Variants in KHDRBS2 observed in about 807,000 individuals in gnomAD.
KHDRBS2 encodes KH RNA binding domain containing, signal transduction associated 2.
KHDRBS2 carries 26 observed loss-of-function variants against 44.3 expected under a neutral mutation model. The observed-to-expected ratio is 0.59, with a 90% confidence interval of 0.43 to 0.81. The LOEUF (loss-of-function observed/expected upper bound fraction) is 0.81, where lower values mean the gene tolerates loss of function less well. KHDRBS2 is among the 40% of genes least tolerant of loss of function. The probability of loss-of-function intolerance (pLI) is 0.00; values close to 1 mark genes in which losing one functional copy is unlikely to be tolerated. For missense variants in KHDRBS2, 476 were observed against 433.1 expected, an observed-to-expected ratio of 1.10 and a Z score of -0.88; for synonymous variants, 194 against 151.1, an observed-to-expected ratio of 1.28 and a Z score of -2.08.
chr6:61,582,276 T>C, the KHDRBS2 span, among the ~76,000 whole-genome samples: 1 of 151,626 alleles, frequency 6.6e-6, no homozygotes, highest in East Asian at 1.9e-4. Flanking sequence ...CAATGAAAAA[T>C]AATTTTGCTT....
intron 1 of KHDRBS2, among the ~76,000 whole-genome samples, chr6:62,200,714 A>T (rs1245868003): frequency 2.0e-5 from 3 of 152,200 alleles, no homozygotes; most frequent in African/African-American, 7.2e-5. Flanking sequence ...ATACCATTTG[A>T]CGCAGCCATC....
At chr6:61,724,451 T>G (rs1773219511) in intron 7 of KHDRBS2, among the ~76,000 whole-genome samples, 1 of 151,998 alleles carries the variant, frequency 6.6e-6, no homozygotes, top group African/African-American at 2.4e-5. Context: ...AGGATCAAAT[T>G]TACATATAAC....
intron 4 of KHDRBS2, among the ~76,000 whole-genome samples, chr6:61,911,839 A>G (rs528304880): frequency 6.6e-6 from 1 of 152,112 alleles, no homozygotes; most frequent in South Asian, 2.1e-4. Context: ...CACAAAAATT[A>G]TCCTTTTATT....
intron 4 of KHDRBS2, among the ~76,000 whole-genome samples, chr6:61,923,437 G>GT (rs1334600047): frequency 3.3e-5 from 5 of 151,882 alleles, no homozygotes; most frequent in African/African-American, 9.7e-5. Flanking sequence ...GATATATGTA[G>GT]TGGATACTTC....
At chr6:61,945,470 T>C (rs1813175173) in intron 4 of KHDRBS2, among the ~76,000 whole-genome samples, 1 of 151,922 alleles carries the variant, frequency 6.6e-6, no homozygotes, top group South Asian at 2.1e-4. Flanking sequence ...TTATATTTCA[T>C]AGCAAGATAC....
the KHDRBS2 span, among the ~76,000 whole-genome samples, chr6:61,648,583 C>A: frequency 2.6e-5 from 4 of 152,118 alleles, no homozygotes; most frequent in Admixed American, 2.6e-4. Context: ...CCTCCAAGGA[C>A]AGCACCATAT....
chr6:62,139,867 G>A (rs2150097086), intron 2 of KHDRBS2, among the ~76,000 whole-genome samples: 1 of 152,154 alleles, frequency 6.6e-6, no homozygotes, highest in South Asian at 2.1e-4. Context: ...AGTATGCTTT[G>A]CTACTGCCAC....
the KHDRBS2 span, among the ~76,000 whole-genome samples, chr6:61,626,585 T>A: frequency 6.6e-6 from 1 of 152,254 alleles, no homozygotes; most frequent in Non-Finnish European, 1.5e-5. Flanking sequence ...TTTTAGAGAT[T>A]TATCTGCTCA....
chr6:61,775,770 T>C (rs1350447500), intron 6 of KHDRBS2, among the ~76,000 whole-genome samples: 1 of 152,188 alleles, frequency 6.6e-6, no homozygotes, highest in Admixed American at 6.5e-5. Context: ...AGTGACTTTC[T>C]TCATAGAATT....
chr6:61,937,967 G>A (rs1312509483), intron 4 of KHDRBS2, among the ~76,000 whole-genome samples: 3 of 151,916 alleles, frequency 2.0e-5, no homozygotes, highest in Non-Finnish European at 4.4e-5. Context: ...TGTGAATTGG[G>A]TAATAGGAGT....
At chr6:61,721,664 T>C (rs1288746331) in intron 7 of KHDRBS2, among the ~76,000 whole-genome samples, 2 of 124,040 alleles carry the variant, frequency 1.6e-5, no homozygotes, top group Non-Finnish European at 3.7e-5. Flanking sequence ...GCTTATCAGC[T>C]TAAGGAGATT....
At chr6:61,738,569 T>C (rs1775723586) in intron 6 of KHDRBS2, among the ~76,000 whole-genome samples, 1 of 151,998 alleles carries the variant, frequency 6.6e-6, no homozygotes, top group Admixed American at 6.6e-5. Context: ...GCCTGAGCTA[T>C]AATGAAATAA....
At chr6:61,891,430 G>A (rs377197594) in intron 6 of KHDRBS2, among the ~76,000 whole-genome samples, 73 of 152,212 alleles carry the variant, frequency 4.8e-4, no homozygotes, top group African/African-American at 1.5e-3. Context: ...TTTGGTATCA[G>A]GATGATGCTG....
the KHDRBS2 span, among the ~76,000 whole-genome samples, chr6:61,590,679 T>C: frequency 6.6e-6 from 1 of 152,214 alleles, no homozygotes; most frequent in African/African-American, 2.4e-5. Flanking sequence ...TCTGGTCTTT[T>C]GTCAATATTT....
chr6:61,613,001 C>T, the KHDRBS2 span, among the ~76,000 whole-genome samples: 7 of 151,688 alleles, frequency 4.6e-5, no homozygotes, highest in East Asian at 5.8e-4. Flanking sequence ...TACAGGTGCC[C>T]GCCACAACTC....
chr6:62,068,735 C>G (rs189023847), intron 2 of KHDRBS2, among the ~76,000 whole-genome samples: 7 of 151,450 alleles, frequency 4.6e-5, no homozygotes, highest in Non-Finnish European at 1.0e-4. Flanking sequence ...TTTCCCAGTA[C>G]CATTTGTTGA....
chr6:62,250,096 C>T (rs184368063), intron 1 of KHDRBS2, among the ~76,000 whole-genome samples: 2 of 152,136 alleles, frequency 1.3e-5, no homozygotes, highest in East Asian at 1.9e-4. Context: ...CAATAGTCTG[C>T]TATCCAGAAA....
chr6:61,802,859 A>G (rs1420667597), intron 6 of KHDRBS2, among the ~76,000 whole-genome samples: 3 of 152,296 alleles, frequency 2.0e-5, no homozygotes, highest in Middle Eastern at 3.4e-3. Flanking sequence ...CTTAAGGAGC[A>G]CTACATTCAT....
At chr6:61,885,507 T>G (rs1800817126) in intron 6 of KHDRBS2, among the ~76,000 whole-genome samples, 1 of 152,182 alleles carries the variant, frequency 6.6e-6, no homozygotes, top group African/African-American at 2.4e-5. Flanking sequence ...CAGTAAAACC[T>G]CTATCTGTGA....
Sources: gnomAD v4.1 joint callset for allele counts (sites outside exome capture counted in the v4.1 genomes callset) on GRCh38, gnomAD v4.1.1 for gene constraint, MANE v1.5 for transcripts, NCBI Gene and HGNC (gene_info 2026-07-23, HGNC 2026-07-21) for gene names.